The following AUTS2 variants were observed in gnomAD, a reference collection of about 807,000 sequenced individuals.
AUTS2 encodes autism susceptibility gene 2 protein.
AUTS2 carries 17 observed loss-of-function variants against 112.4 expected under a neutral mutation model. The ratio of observed to expected loss-of-function variants is 0.15; its 90% confidence interval spans 0.10 to 0.23. The LOEUF (loss-of-function observed/expected upper bound fraction) is 0.23, where lower values mean the gene tolerates loss of function less well. Among genes scored for constraint, AUTS2 ranks in the 10% least tolerant of loss-of-function variants. The pLI is 1.00. For synonymous variants in AUTS2, 751 were observed against 702.7 expected, an observed-to-expected ratio of 1.07 and a Z score of -1.09; for missense variants, 1,510 against 1,701.6, an observed-to-expected ratio of 0.89 and a Z score of 1.98.
At chr7:69,888,115 A>G (rs1173414847) in intron 1 of AUTS2, among the ~76,000 whole-genome samples, 1 of 152,108 alleles carries the variant, frequency 6.6e-6, no homozygotes. Context: ...TTAGAGACCA[A>G]CCTGAGAAAC....
At chr7:69,911,238 T>C (rs1413112396) in intron 2 of AUTS2, among the ~76,000 whole-genome samples, 1 of 152,164 alleles carries the variant, frequency 6.6e-6, no homozygotes, top group African/African-American at 2.4e-5. Flanking sequence ...GTACTGCATG[T>C]GGCTTCCACT....
At chr7:70,230,133 T>G (rs1156255656) in intron 4 of AUTS2, among the ~76,000 whole-genome samples, 1 of 152,188 alleles carries the variant, frequency 6.6e-6, no homozygotes, top group Admixed American at 6.5e-5. Context: ...ATTTTTTGCA[T>G]GCCTAATATT....
At chr7:70,700,172 A>G (rs1044495058) in intron 6 of AUTS2, among the ~76,000 whole-genome samples, 5 of 151,782 alleles carry the variant, frequency 3.3e-5, no homozygotes, top group Admixed American at 6.6e-5. Flanking sequence ...TCCTTTTCCA[A>G]TCAAACGTTT....
intron 1 of AUTS2, among the ~76,000 whole-genome samples, chr7:69,877,816 G>T (rs545373505): frequency 6.6e-6 from 1 of 152,342 alleles, no homozygotes; most frequent in East Asian, 1.9e-4. Context: ...GACCACTGGT[G>T]TAGACAGAAA....
chr7:70,628,958 G>A (rs919239927), intron 5 of AUTS2, among the ~76,000 whole-genome samples: 2 of 152,138 alleles, frequency 1.3e-5, no homozygotes, highest in South Asian at 4.1e-4. Context: ...CTGAATGTAA[G>A]GATGTCGGGA....
In AUTS2 at chr7:70,192,289, A is replaced by C. The variant is rs567860449; in HGVS notation, c.660+57718A>C. On this transcript the variant is annotated intron_variant, in intron 4 of 18. Coordinates refer to ENST00000342771, the MANE Select transcript of AUTS2 (RefSeq NM_015570.4). ...TTATTGATTGTACTTTTGCCACCACAGGGGGAAAAAAATCCCTGTTTCTTA... is the reference window on the plus strand; with the variant it reads ...TTATTGATTGTACTTTTGCCACCACCGGGGGAAAAAAATCCCTGTTTCTTA... Among the ~76,000 whole-genome samples, 5 of 152,278 alleles carry C rather than the reference A, an allele frequency of 3.3e-5. 1 individual carries two copies. The South Asian group carries it at 1.0e-3, about 32-fold the overall frequency.
chr7:70,418,101 G>GTGTGTGTGTGTGTC (rs1157906443), intron 4 of AUTS2, among the ~76,000 whole-genome samples: 1 of 148,592 alleles, frequency 6.7e-6, no homozygotes, highest in Non-Finnish European at 1.5e-5. Flanking sequence ...GTGTGTGTGT[G>GTGTGTGTGTGTGTC]TGTGTGTGTG....
At chr7:70,320,778 G>C (rs565419377) in intron 4 of AUTS2, among the ~76,000 whole-genome samples, 1 of 152,326 alleles carries the variant, frequency 6.6e-6, no homozygotes, top group South Asian at 2.1e-4. Context: ...GCTAGTTTTA[G>C]AGGTGGAAGG....
In AUTS2 at chr7:70,715,528, TTTTC is replaced by T. The variant is rs371901724; in HGVS notation, c.742+16912_742+16915del. Among the ~76,000 whole-genome samples, 1,360 of 151,666 alleles carry T rather than the reference TTTTC, an allele frequency of 9.0e-3. 15 individuals are homozygous for T. The highest frequency in any genetic ancestry group is 0.031 in the African/African-American group (1,297 of 41,304). ...TCTTTTTTTCTTTTCTTTTCTTTTC[TTTTC>T]TTTTCTTTTCTTTTTTTTTAAGATG... On this transcript the variant is annotated intron_variant, in intron 6 of 18. Coordinates refer to ENST00000342771, the MANE Select transcript of AUTS2 (RefSeq NM_015570.4).
chr7:70,665,466 T>TTTA (rs1454733149), intron 5 of AUTS2, among the ~76,000 whole-genome samples: 1 of 151,402 alleles, frequency 6.6e-6, no homozygotes, highest in Non-Finnish European at 1.5e-5. Flanking sequence ...TATTTATTTA[T>TTTA]TTATTTATTT....
chr7:69,997,719 C>T (rs1263471143), intron 2 of AUTS2, among the ~76,000 whole-genome samples: 1 of 152,090 alleles, frequency 6.6e-6, no homozygotes, highest in African/African-American at 2.4e-5. Flanking sequence ...CTCACTCATT[C>T]CCCCTGGAGA....
At chr7:70,061,649 T>A (rs1802249720) in intron 2 of AUTS2, among the ~76,000 whole-genome samples, 1 of 152,170 alleles carries the variant, frequency 6.6e-6, no homozygotes, top group Admixed American at 6.5e-5. Flanking sequence ...TGCTAAGTAC[T>A]ATATAGACAT....
intron 1 of AUTS2, among the ~76,000 whole-genome samples, chr7:69,881,689 A>G (rs2129537815): frequency 6.6e-6 from 1 of 152,178 alleles, no homozygotes; most frequent in South Asian, 2.1e-4. Flanking sequence ...CCATCTTTCC[A>G]TATGGTGATA....
chr7:70,374,272 A>C (rs989492145), intron 4 of AUTS2, among the ~76,000 whole-genome samples: 1 of 152,256 alleles, frequency 6.6e-6, no homozygotes, highest in Admixed American at 6.5e-5. Flanking sequence ...TTAAAAAGAA[A>C]AATGATGATA....
At chr7:70,643,581 A>C (rs142888269) in intron 5 of AUTS2, among the ~76,000 whole-genome samples, 1 of 152,178 alleles carries the variant, frequency 6.6e-6, no homozygotes, top group Non-Finnish European at 1.5e-5. Flanking sequence ...AAAAAATAAA[A>C]TAAAGTAAAA....
At chr7:69,719,162 G>T (rs589983) in intron 1 of AUTS2, among the ~76,000 whole-genome samples, 93,530 of 152,028 alleles carry the variant, frequency 0.62, 29,079 homozygotes, top group East Asian at 0.7. Context: ...CTCTTTGTGG[G>T]TTTGTAGAAC....
intron 11 of AUTS2, among the ~76,000 whole-genome samples, chr7:70,773,684 A>G (rs755547576): frequency 8.5e-5 from 13 of 152,376 alleles, no homozygotes; most frequent in Non-Finnish European, 1.6e-4. Context: ...TGATTAAGCA[A>G]AAAAACAGTG....
intron 4 of AUTS2, among the ~76,000 whole-genome samples, chr7:70,407,906 T>A (rs1272494800): frequency 6.6e-6 from 1 of 151,008 alleles, no homozygotes; most frequent in Non-Finnish European, 1.5e-5. Context: ...TACAAAAAAT[T>A]AGCCAGGCGT....
At chr7:70,564,199 T>C (rs1054651133) in intron 5 of AUTS2, among the ~76,000 whole-genome samples, 1 of 152,224 alleles carries the variant, frequency 6.6e-6, no homozygotes, top group African/African-American at 2.4e-5. Flanking sequence ...AGTGCTGTGA[T>C]TTTTCAAAGA....
Sources: allele counts gnomAD v4.1 joint callset (sites outside exome capture counted in the v4.1 genomes callset), GRCh38; gene constraint gnomAD v4.1.1; transcripts MANE v1.5; gene names NCBI Gene and HGNC (gene_info 2026-07-23, HGNC 2026-07-21).